The following SVOPL variants were observed in gnomAD, a reference collection of about 807,000 sequenced individuals.
The protein encoded by SVOPL is SVOP like, also known as putative transporter SVOPL.
A neutral mutation model predicts 61.0 loss-of-function variants in SVOPL; 60 were observed. The ratio of observed to expected loss-of-function variants is 0.98; its 90% CI spans 0.80 to 1.22. SVOPL has a LOEUF of 1.22. Ranked by LOEUF, SVOPL falls within the 50% of genes most tolerant of loss-of-function variation. The pLI is 0.00. For synonymous variants in SVOPL, 279 were observed against 250.0 expected (o/e 1.12, Z -1.09); for missense variants, 662 against 643.9 (o/e 1.03, Z -0.30).
At chr7:138,623,027 T>A (rs1232692536) in intron 13 of SVOPL, among the ~76,000 whole-genome samples, 2 of 152,184 alleles carry the variant, frequency 1.3e-5, no homozygotes, top group Admixed American at 1.3e-4. Context: ...GTTGCCCACA[T>A]CTTTGCCACC....
intron 4 of SVOPL, among the ~76,000 whole-genome samples, chr7:138,667,810 A>G (rs577075830): frequency 1.3e-4 from 20 of 152,248 alleles, no homozygotes; most frequent in African/African-American, 4.6e-4. Flanking sequence ...CTTGCTTCTA[A>G]CCTCCAAACT....
chr7:138,693,546 A>C (rs1802993336), intron 1 of SVOPL, among the ~76,000 whole-genome samples: 1 of 81,888 alleles, frequency 1.2e-5, no homozygotes, highest in African/African-American at 5.8e-5. Flanking sequence ...AGAAAGAAAG[A>C]AAGAAAGAAA....
intron 7 of SVOPL, among the ~76,000 whole-genome samples, chr7:138,655,153 A>T (rs943635966): frequency 9.3e-5 from 14 of 151,246 alleles, no homozygotes; most frequent in African/African-American, 3.4e-4. Flanking sequence ...TCGCACCACT[A>T]AACTCCAGCC....
At chr7:138,594,662 A>T in intron 15 of SVOPL, 41 bp from the exon 16 acceptor site, 2 of 1,503,816 alleles carry the variant, frequency 1.3e-6, no homozygotes, top group Non-Finnish European at 1.8e-6. Flanking sequence ...TAGACTTTTT[A>T]AAAGTCTTGT....
intron 14 of SVOPL, 21 bp from the exon 15 acceptor site, chr7:138,596,551 A>C (rs1453092901): frequency 6.2e-7 from 1 of 1,611,494 alleles, no homozygotes; most frequent in Admixed American, 1.7e-5. Flanking sequence ...CAAGAGAATT[A>C]CTCAATTTAT....
At chr7:138,625,486 C>T (rs1474227074) in intron 13 of SVOPL, among the ~76,000 whole-genome samples, 1 of 152,116 alleles carries the variant, frequency 6.6e-6, no homozygotes, top group Non-Finnish European at 1.5e-5. Context: ...ACTCCAGCTA[C>T]CTCAGGCAGT....
At chr7:138,699,663 T>C (rs1407843466) in intron 1 of SVOPL, among the ~76,000 whole-genome samples, 2 of 152,142 alleles carry the variant, frequency 1.3e-5, no homozygotes, top group African/African-American at 2.4e-5. Flanking sequence ...GCAAAATCAA[T>C]ATATTTTAGA....
chr7:138,628,444 C>G (rs4728437), intron 10 of SVOPL, 81 bp from the exon 11 acceptor site: 1 of 1,420,738 alleles, frequency 7.0e-7, no homozygotes, highest in Non-Finnish European at 9.6e-7. Context: ...CCAAGTGGAA[C>G]GTGTAGCATG....
intron 5 of SVOPL, chr7:138,662,183 TCTCTGC>T (rs1471128381): frequency 1.0e-6 from 1 of 985,494 alleles, no homozygotes; most frequent in Non-Finnish European, 1.2e-6. Context: ...ACTTCTGCTT[TCTCTGC>T]CTCTGCCTCA....
intron 13 of SVOPL, among the ~76,000 whole-genome samples, chr7:138,622,166 GTATC>G (rs1265913848): frequency 4.5e-4 from 16 of 35,242 alleles, no homozygotes; most frequent in African/African-American, 8.2e-4. Flanking sequence ...ATCTGTCTAT[GTATC>G]TATCTGTCTA....
intron 7 of SVOPL, among the ~76,000 whole-genome samples, chr7:138,649,796 T>C (rs1801327518): frequency 6.6e-6 from 1 of 152,052 alleles, no homozygotes; most frequent in South Asian, 2.1e-4. Context: ...TGATATAGCA[T>C]TGAATGGGAT....
chr7:138,639,464 T>TA (rs1443546681), intron 9 of SVOPL, among the ~76,000 whole-genome samples: 2 of 150,844 alleles, frequency 1.3e-5, no homozygotes, highest in Admixed American at 6.6e-5. Flanking sequence ...CTGTCTCTAT[T>TA]AAAAAAACGA....
chr7:138,657,751 A>G (rs1015714448), intron 6 of SVOPL, among the ~76,000 whole-genome samples: 1 of 152,164 alleles, frequency 6.6e-6, no homozygotes, highest in African/African-American at 2.4e-5. Context: ...GCCCCAGGGA[A>G]GAACAATTCT....
At chr7:138,679,104 A>G (rs1584865626) in intron 1 of SVOPL, 25 bp from the exon 2 acceptor site, 1 of 1,464,806 alleles carries the variant, frequency 6.8e-7, no homozygotes. Context: ...GGAGGGAAGA[A>G]GGAAAGAAAT....
chr7:138,685,025 T>G (rs1401091796), intron 1 of SVOPL, among the ~76,000 whole-genome samples: 1 of 151,346 alleles, frequency 6.6e-6, no homozygotes, highest in African/African-American at 2.4e-5. Flanking sequence ...CTCCACCTCC[T>G]GGGTTCAAGC....
chr7:138,621,569 T>C (rs1453768305), intron 13 of SVOPL, among the ~76,000 whole-genome samples: 130 of 152,282 alleles, frequency 8.5e-4, no homozygotes, highest in Non-Finnish European at 7.4e-5. Context: ...TGCCACACCA[T>C]TCCCTGTGTT....
intron 14 of SVOPL, among the ~76,000 whole-genome samples, chr7:138,614,895 T>C (rs1306785061): frequency 6.6e-6 from 1 of 152,178 alleles, no homozygotes; most frequent in African/African-American, 2.4e-5. Flanking sequence ...TTCAATGCTT[T>C]TTTTGGATGC....
At chr7:138,640,087 TAGAAAGACTAAAAATAA>T (rs891685129) in intron 9 of SVOPL, among the ~76,000 whole-genome samples, 14 of 151,712 alleles carry the variant, frequency 9.2e-5, no homozygotes, top group Non-Finnish European at 1.6e-4. Context: ...CAAAGCAGTG[TAGAAAGACTAAAAATAA>T]AGAGCTGAAA....
At chr7:138,682,451 A>G (rs1406162473) in intron 1 of SVOPL, among the ~76,000 whole-genome samples, 1 of 152,156 alleles carries the variant, frequency 6.6e-6, no homozygotes, top group Non-Finnish European at 1.5e-5. Flanking sequence ...TTACACAGGA[A>G]ATGAAGAAAC....
Sources: gnomAD v4.1 joint callset for allele counts (sites outside exome capture counted in the v4.1 genomes callset) on GRCh38, gnomAD v4.1.1 for gene constraint, MANE v1.5 for transcripts, NCBI Gene and HGNC (gene_info 2026-07-23, HGNC 2026-07-21) for gene names.